Variants in MAP3K5 observed in about 807,000 individuals in gnomAD.
MAP3K5 encodes mitogen-activated protein kinase kinase kinase 5.
MAP3K5 carries 56 observed loss-of-function variants against 158.7 expected under a neutral mutation model. The observed-to-expected ratio is 0.35, with a 90% CI of 0.28 to 0.44. The LOEUF (loss-of-function observed/expected upper bound fraction) is 0.44. Among genes scored for constraint, MAP3K5 ranks in the 20% least tolerant of loss-of-function variants. The pLI is 1.00. For missense variants in MAP3K5, 1,294 were observed against 1,674.8 expected (o/e 0.77, Z 3.97); for synonymous variants, 579 against 601.7 (o/e 0.96, Z 0.55).
intron 1 of MAP3K5, among the ~76,000 whole-genome samples, chr6:136,761,349 G>A (rs1025969623): frequency 4.0e-5 from 6 of 150,606 alleles, no homozygotes; most frequent in Non-Finnish European, 2.9e-5. Context: ...ATGCAAGAGT[G>A]CATGCAGCAG....
intron 26 of MAP3K5, among the ~76,000 whole-genome samples, chr6:136,565,230 T>G (rs1774044570): frequency 6.6e-6 from 1 of 152,190 alleles, no homozygotes; most frequent in Non-Finnish European, 1.5e-5. Flanking sequence ...TCAATTTTAT[T>G]TTTATTTTGT....
chr6:136,766,625 G>A (rs1783979343), intron 1 of MAP3K5, among the ~76,000 whole-genome samples: 1 of 152,220 alleles, frequency 6.6e-6, no homozygotes, highest in Non-Finnish European at 1.5e-5. Flanking sequence ...ACACAGCAAA[G>A]AGCATGTCAG....
intron 1 of MAP3K5, among the ~76,000 whole-genome samples, chr6:136,735,279 C>T (rs1582609343): frequency 6.6e-6 from 1 of 152,000 alleles, no homozygotes; most frequent in East Asian, 1.9e-4. Flanking sequence ...GACCTGAATT[C>T]CTTAACAAAA....
chr6:136,654,097 C>T (rs1778639193), intron 10 of MAP3K5, among the ~76,000 whole-genome samples: 1 of 152,220 alleles, frequency 6.6e-6, no homozygotes, highest in African/African-American at 2.4e-5. Flanking sequence ...TATGTGCCTA[C>T]CACTCGCAGA....
At chr6:136,637,194 G>T in intron 14 of MAP3K5, 131 bp downstream of exon 14, 2 of 1,252,084 alleles carry the variant, frequency 1.6e-6, no homozygotes, top group Non-Finnish European at 2.2e-6. Flanking sequence ...TCTGGAAGTT[G>T]CTTTTAACAC....
In MAP3K5 at chr6:136,655,375, C is replaced by T. The variant is rs141565239; in HGVS notation, c.1680+932G>A. On this transcript the variant is annotated intron_variant, in intron 10 of 29. Coordinates refer to ENST00000359015, the MANE Select transcript of MAP3K5 (RefSeq NM_005923.4). ...GAAGTGTTTCAGTTAGAAAGGCTTTCGCTTAAGGACCCTGCTGAGCTCAAG... is the reference window on the plus strand; with the variant it reads ...GAAGTGTTTCAGTTAGAAAGGCTTTTGCTTAAGGACCCTGCTGAGCTCAAG... Among the ~76,000 whole-genome samples, 915 of 152,276 alleles carry T rather than the reference C, an allele frequency of 6.0e-3. 8 individuals are homozygous for T. The highest frequency in any genetic ancestry group is 0.02 in the African/African-American group (822 of 41,536).
At chr6:136,635,101 TG>T (rs1159428344) in intron 14 of MAP3K5, among the ~76,000 whole-genome samples, 1 of 140,632 alleles carries the variant, frequency 7.1e-6, no homozygotes, top group Non-Finnish European at 1.5e-5. Context: ...AAGGAGGGCA[TG>T]AAACAAAGGA....
chr6:136,764,359 C>T (rs2114980914), intron 1 of MAP3K5, among the ~76,000 whole-genome samples: 1 of 152,328 alleles, frequency 6.6e-6, no homozygotes, highest in Middle Eastern at 3.4e-3. Context: ...TGTCCTTCTT[C>T]TTGGAACATT....
chr6:136,711,349 G>A (rs938945313), intron 2 of MAP3K5, among the ~76,000 whole-genome samples: 2 of 152,026 alleles, frequency 1.3e-5, no homozygotes, highest in African/African-American at 2.4e-5. Context: ...GTCATCACGC[G>A]TCTCATTTCT....
At chr6:136,756,584 C>T (rs139561272) in intron 1 of MAP3K5, among the ~76,000 whole-genome samples, 161 of 152,268 alleles carry the variant, frequency 1.1e-3, no homozygotes, top group Middle Eastern at 3.4e-3. Context: ...GTGTTGTACT[C>T]ATCTCTTTAT....
rs112178729 is a variant in MAP3K5, at chr6:136,622,912, C to T, written c.2086G>A (p.Ala696Thr). The change falls in exon 15 of 30, where the codon GCA (alanine) becomes ACA (threonine). Residue 696 changes from alanine to threonine, a missense_variant. Physicochemically the swap from Ala to Thr is moderately conservative, Grantham distance 58. Transcript: ENST00000359015. ...LGKGTYGIVY[A>T]GRDLSNQVRI... The stretch of plus-strand genomic sequence containing the variant: ...ACTTGGTTGCTCAAGTCCCGACCTG[C>T]GTAGACTATCCCATAAGTGCCTTTT... 1 of 1,584,512 alleles carries T rather than the reference C, an allele frequency of 6.3e-7. No individual in the cohort carries two copies. Among genetic ancestry groups the T allele is most frequent in the Non-Finnish European group, 8.6e-7 (1 of 1,160,920 alleles).
chr6:136,766,432 A>G (rs976519779), intron 1 of MAP3K5, among the ~76,000 whole-genome samples: 4 of 152,240 alleles, frequency 2.6e-5, no homozygotes, highest in African/African-American at 9.6e-5. Flanking sequence ...TATCTGCTTT[A>G]TCTGAATTCA....
intron 8 of MAP3K5, among the ~76,000 whole-genome samples, chr6:136,662,532 T>C (rs973728177): frequency 1.3e-5 from 2 of 152,002 alleles, no homozygotes; most frequent in African/African-American, 4.8e-5. Flanking sequence ...CCTCTCTCTC[T>C]TCCTTTCTCT....
intron 1 of MAP3K5, 58 bp downstream of exon 1, chr6:136,791,652 C>A: frequency 6.4e-7 from 1 of 1,568,618 alleles, no homozygotes; most frequent in Admixed American, 1.7e-5. Flanking sequence ...GCCCCGAAGA[C>A]CGCCAGATTA....
chr6:136,625,584 C>T (rs1489630435), intron 14 of MAP3K5, among the ~76,000 whole-genome samples: 4 of 152,220 alleles, frequency 2.6e-5, no homozygotes, highest in South Asian at 2.1e-4. Context: ...GATCCTGGTG[C>T]TGTTTGAACT....
At chr6:136,662,414 C>A (rs1185063408) in intron 8 of MAP3K5, among the ~76,000 whole-genome samples, 1 of 152,210 alleles carries the variant, frequency 6.6e-6, no homozygotes, top group Admixed American at 6.5e-5. Context: ...TTTGCACAAA[C>A]TTGTTTCTAC....
chr6:136,720,000 G>GTTTA (rs1481064534), intron 2 of MAP3K5, among the ~76,000 whole-genome samples: 1 of 152,100 alleles, frequency 6.6e-6, no homozygotes, highest in African/African-American at 2.4e-5. Context: ...TCCCATCTTA[G>GTTTA]TTTAAATCAT....
At chr6:136,627,540 G>A (rs755416752) in intron 14 of MAP3K5, among the ~76,000 whole-genome samples, 5 of 152,116 alleles carry the variant, frequency 3.3e-5, no homozygotes, top group Admixed American at 6.5e-5. Flanking sequence ...TGTTGAAACC[G>A]AATCACAATG....
At chr6:136,598,988 T>C (rs565202265) in intron 21 of MAP3K5, among the ~76,000 whole-genome samples, 1 of 152,256 alleles carries the variant, frequency 6.6e-6, no homozygotes, top group East Asian at 1.9e-4. Context: ...CTGGCCAACA[T>C]GGCGAAACCC....
Sources: gnomAD v4.1 joint callset for allele counts (sites outside exome capture counted in the v4.1 genomes callset) on GRCh38, gnomAD v4.1.1 for gene constraint, MANE v1.5 for transcripts, NCBI Gene and HGNC (gene_info 2026-07-23, HGNC 2026-07-21) for gene names.